PLEKHA1: variants seen among roughly 807,000 people sequenced by gnomAD.
The protein encoded by PLEKHA1 is pleckstrin homology domain-containing family A member 1.
Under a neutral mutation model 52.0 loss-of-function variants are expected in PLEKHA1, and 34 were observed. The observed-to-expected ratio is 0.65, with a 90% CI of 0.50 to 0.87. The LOEUF is 0.87. Ranked by LOEUF, PLEKHA1 falls within the 40% of genes least tolerant of loss-of-function variation. The pLI, the probability that PLEKHA1 is intolerant of heterozygous loss-of-function variation, is 0.00. For missense variants in PLEKHA1, 497 were observed against 504.2 expected (o/e 0.99, Z 0.14); for synonymous variants, 163 against 170.7 (o/e 0.95, Z 0.35).
intron 4 of PLEKHA1, among the ~76,000 whole-genome samples, chr10:122,405,029 A>G (rs182682991): frequency 1.9e-4 from 29 of 152,344 alleles, no homozygotes; most frequent in African/African-American, 6.5e-4. Context: ...AATAATATTT[A>G]TGCTTTTAAA....
At chr10:122,436,150 A>G (rs897511871), downstream of PLEKHA1, 26 of 152,010 alleles carry the variant, frequency 1.7e-4, no homozygotes, top group African/African-American at 6.3e-4. Flanking sequence ...TCTGATACCA[A>G]AGTTTGGGCT....
At chr10:122,378,025 C>T (rs909427354) in intron 1 of PLEKHA1, among the ~76,000 whole-genome samples, 1 of 152,104 alleles carries the variant, frequency 6.6e-6, no homozygotes, top group East Asian at 1.9e-4. Context: ...CTTTATTCTC[C>T]AGAAAGTTGT....
chr10:122,415,737 C>A, intron 6 of PLEKHA1, 122 bp from the exon 7 acceptor site: 1 of 941,904 alleles, frequency 1.1e-6, no homozygotes, highest in Non-Finnish European at 1.5e-6. Context: ...AATTAGAAAA[C>A]TCTTCAAAAA....
chr10:122,412,949 T>C lies in PLEKHA1; in HGVS notation c.372T>C (p.Asn124=), dbSNP rs961973776. 9.3e-6 allele frequency: 15 copies of C among 1,613,564 alleles called. No individual in the cohort carries two copies. The highest frequency in any genetic ancestry group is 1.2e-5 in the Non-Finnish European group (14 of 1,179,622). The change falls in exon 6 of 12, where the codon AAT becomes AAC. Residue 124 remains asparagine, a synonymous_variant. Coordinates refer to ENST00000368990, the MANE Select transcript of PLEKHA1 (RefSeq NM_001001974.4). ...TVPKQSDSQP[N]SDNLSRHGEC... Reference sequence around the variant, plus strand: ...CAAAGCAGTCAGACTCACAGCCTAATTCTGATAACCTAAGTCGCCATGGTG... The same window carrying C: ...CAAAGCAGTCAGACTCACAGCCTAACTCTGATAACCTAAGTCGCCATGGTG...
intron 11 of PLEKHA1, 33 bp from the exon 12 acceptor site, chr10:122,429,591 C>G: frequency 6.3e-7 from 1 of 1,596,186 alleles, no homozygotes; most frequent in South Asian, 1.1e-5. Flanking sequence ...TCATGAGTGA[C>G]TGACCGTGTC....
intron 3 of PLEKHA1, 57 bp from the exon 4 acceptor site, chr10:122,400,286 G>A: frequency 7.2e-7 from 1 of 1,398,508 alleles, no homozygotes; most frequent in Non-Finnish European, 9.9e-7. Flanking sequence ...TAGTATATAA[G>A]GTTGGTTTTA....
rs543365799 is a variant in PLEKHA1 at position 122,400,157 on chromosome 10, C to G, written c.199-186C>G. 7.9e-5 allele frequency among the ~76,000 whole-genome samples: 12 copies of G among 152,298 alleles called. 3 individuals carry two copies. The Middle Eastern group carries it at 0.024, about 302-fold the overall frequency. On this transcript the variant is annotated intron_variant, in intron 3 of 11. Coordinates refer to ENST00000368990, the MANE Select transcript of PLEKHA1 (RefSeq NM_001001974.4). ...TGGAAGTATTATTTGTTACCTCTTA[C>G]AGTTGGGAACTGCATCCTATGTATT...
chr10:122,378,648 A>G (rs947944367), intron 1 of PLEKHA1, among the ~76,000 whole-genome samples: 6 of 151,134 alleles, frequency 4.0e-5, no homozygotes, highest in African/African-American at 9.7e-5. Flanking sequence ...TTGTAGGAGG[A>G]TCCCTTGAGC....
chr10:122,437,181 T>G (rs1437484901), downstream of PLEKHA1: 2 of 152,106 alleles, frequency 1.3e-5, no homozygotes, highest in Non-Finnish European at 2.9e-5. Flanking sequence ...TCATGCCATT[T>G]TTTCTTCCCA....
intron 1 of PLEKHA1, among the ~76,000 whole-genome samples, chr10:122,386,032 G>A (rs2096691050): frequency 1.3e-5 from 2 of 152,276 alleles, no homozygotes; most frequent in South Asian, 4.2e-4. Context: ...GTTCGCTAAG[G>A]ATCTGTTTAA....
Position 122,393,248 on chromosome 10 carries a change from T to A in PLEKHA1, c.48T>A (p.Ile16=). Residue 16 remains isoleucine, a synonymous_variant, in exon 2 of 12, where the codon ATT becomes ATA. Coordinates refer to ENST00000368990, the MANE Select transcript of PLEKHA1 (RefSeq NM_001001974.4). This position sits in a 1 kb window ranked among gnomAD's most constrained non-coding sequence, Gnocchi z 4.5. Reference sequence around the variant, plus strand: ...ATCGCATTTGTGGTTTTCTAGACATTGAAGAAAATGAAAACAGTGGGAAAT... The same window carrying A: ...ATCGCATTTGTGGTTTTCTAGACATAGAAGAAAATGAAAACAGTGGGAAAT... ...RQNRICGFLD[I]EENENSGKFL... is the part of the protein sequence containing the mutation. 2.5e-6 allele frequency: 4 copies of A among 1,612,822 alleles called. No homozygotes were observed. Among genetic ancestry groups the A allele is most frequent in the Non-Finnish European group, 2.5e-6 (3 of 1,179,420 alleles).
chr10:122,417,521 A>G (rs2097195321), intron 7 of PLEKHA1, among the ~76,000 whole-genome samples: 2 of 151,294 alleles, frequency 1.3e-5, no homozygotes, highest in South Asian at 2.1e-4. Context: ...TAGTGATGGG[A>G]GCCTGTAATC....
chr10:122,441,207 C>T, the PLEKHA1 span: 6 of 152,316 alleles, frequency 3.9e-5, no homozygotes, highest in Admixed American at 3.9e-4. Context: ...TGGTTGCTCA[C>T]ACCTATAATC....
chr10:122,386,104 T>C (rs1043767203), intron 1 of PLEKHA1, among the ~76,000 whole-genome samples: 1 of 152,258 alleles, frequency 6.6e-6, no homozygotes, highest in African/African-American at 2.4e-5. Flanking sequence ...CCACCAGCAA[T>C]ATATGATAGT....
At chr10:122,404,175 G>A (rs1031684020) in intron 4 of PLEKHA1, among the ~76,000 whole-genome samples, 14 of 152,112 alleles carry the variant, frequency 9.2e-5, no homozygotes, top group African/African-American at 3.4e-4. Context: ...ATTAAATAAT[G>A]TTTAAAAGAT....
chr10:122,401,943 G>A (rs2096935663), intron 4 of PLEKHA1, among the ~76,000 whole-genome samples: 1 of 152,196 alleles, frequency 6.6e-6, no homozygotes, highest in African/African-American at 2.4e-5. Flanking sequence ...AAACGTGGCT[G>A]TCAAGGGAAT....
intron 10 of PLEKHA1, chr10:122,425,740 A>G (rs1272505363): frequency 6.6e-6 from 1 of 151,874 alleles, no homozygotes; most frequent in Non-Finnish European, 1.5e-5. Context: ...AAAAAATCAA[A>G]AAGGGATGAT....
At chr10:122,422,116 C>T (rs2097268313) in intron 8 of PLEKHA1, 1 of 151,888 alleles carries the variant, frequency 6.6e-6, no homozygotes, top group Non-Finnish European at 1.5e-5. Context: ...GAATATAACC[C>T]ATAGAATAAA....
At chr10:122,406,754 C>T in intron 5 of PLEKHA1, 81 bp downstream of exon 5, 1 of 1,028,216 alleles carries the variant, frequency 9.7e-7, no homozygotes, top group Admixed American at 2.0e-5. Flanking sequence ...ACCAAATGTT[C>T]CCAGCTTACC....
Sources: gnomAD v4.1 joint callset for allele counts (sites outside exome capture counted in the v4.1 genomes callset) on GRCh38, gnomAD v4.1.1 for gene constraint, Gnocchi (gnomAD v3.1) non-coding constraint, MANE v1.5 for transcripts, NCBI Gene and HGNC (gene_info 2026-07-23, HGNC 2026-07-21) for gene names.